Variants in SH3BP2 observed in about 807,000 individuals in gnomAD.
SH3BP2 encodes the protein SH3 domain-binding protein 2.
In SH3BP2, 38 loss-of-function variants were observed where a neutral mutation model predicts 56.2. That is an observed-to-expected ratio of 0.68 (90% CI 0.52 to 0.89). The LOEUF is 0.89. Ranked by LOEUF, SH3BP2 falls within the 40% of genes least tolerant of loss-of-function variation. SH3BP2 has a pLI of 0.00. For synonymous variants in SH3BP2, 346 were observed against 316.7 expected, an observed-to-expected ratio of 1.09 and a Z score of -0.98; for missense variants, 748 against 762.6, an observed-to-expected ratio of 0.98 and a Z score of 0.23.
intron 1 of SH3BP2, chr4:2,818,367 G>T (rs888963128): frequency 8.5e-7 from 1 of 1,177,146 alleles, no homozygotes. Context: ...CGGGGAAGCC[G>T]GCCATGCCCG....
rs772049905 is a variant in SH3BP2, at chr4:2,832,029, T to A, written c.1406+51T>A. ...GGGTCCTCCGCCATGCCCGGCTTCC[T>A]GCTTCTGTGTCCCTCTCACTAGCTT... On this transcript the variant is annotated intron_variant, in intron 10 of 12. Coordinates refer to ENST00000503393, the MANE Select transcript of SH3BP2 (RefSeq NM_001122681.2). 14 of 1,575,214 alleles carry A rather than the reference T, an allele frequency of 8.9e-6. 1 individual carries two copies. In the South Asian group the frequency reaches 1.6e-4, roughly 18 times the overall value.
chr4:2,809,639 C>T (rs149285883), intron 1 of SH3BP2: 475 of 195,328 alleles, frequency 2.4e-3, no homozygotes, highest in Middle Eastern at 7.7e-3. Context: ...AGGCAGGTGC[C>T]GTGAGGCAGG....
intron 1 of SH3BP2, among the ~76,000 whole-genome samples, chr4:2,794,871 C>T (rs949397033): frequency 7.9e-5 from 12 of 152,196 alleles, no homozygotes; most frequent in South Asian, 2.1e-4. Context: ...GGCCCACAGA[C>T]GGGAAGTCCA....
intron 1 of SH3BP2, among the ~76,000 whole-genome samples, chr4:2,798,764 C>G (rs928180070): frequency 2.6e-5 from 4 of 152,222 alleles, no homozygotes; most frequent in African/African-American, 9.6e-5. Flanking sequence ...CTTCCCGTTG[C>G]CATCACCTCT....
intron 1 of SH3BP2, among the ~76,000 whole-genome samples, chr4:2,808,749 G>T (rs1170752556): frequency 6.6e-6 from 1 of 151,346 alleles, no homozygotes; most frequent in Non-Finnish European, 1.5e-5. Context: ...GGGGGTGCCC[G>T]CCTTCCCCCA....
In SH3BP2 at chr4:2,838,696, C is replaced by G. The variant is rs2108747405; in HGVS notation, c.*4862C>G. On this transcript the variant is annotated 3_prime_UTR_variant, in exon 13 of 13. Transcript: ENST00000503393. Reference sequence around the variant, plus strand: ...AGTGGTAGTGTATTTTATGCGTGACCCGAGACAGTTCTTCCGGTATGGTCC... The same window carrying G: ...AGTGGTAGTGTATTTTATGCGTGACGCGAGACAGTTCTTCCGGTATGGTCC... 1 of 150,934 alleles carries G rather than the reference C, an allele frequency of 6.6e-6. No individual in the cohort carries two copies. Among genetic ancestry groups the G allele is most frequent in the South Asian group, 2.1e-4 (1 of 4,816 alleles). The allele number at this position is 150,934 out of a possible 1,614,324, so 9.3% of individuals were successfully genotyped here.
intron 11 of SH3BP2, among the ~76,000 whole-genome samples, 199 bp downstream of exon 11, chr4:2,832,611 G>A (rs779022478): frequency 1.3e-5 from 2 of 152,208 alleles, no homozygotes; most frequent in Admixed American, 1.3e-4. Flanking sequence ...GGCCATGATG[G>A]CCACCTCCCA....
In SH3BP2 at chr4:2,800,121, C is replaced by T. The variant is rs1849683; in HGVS notation, c.-5+6983C>T. Among the ~76,000 whole-genome samples, 340 of 151,902 alleles carry T rather than the reference C, an allele frequency of 2.2e-3. 1 individual carries two copies. The highest frequency in any genetic ancestry group is 7.9e-3 in the African/African-American group (326 of 41,408). On this transcript the variant is annotated intron_variant, in intron 1 of 12. Coordinates refer to ENST00000503393, the MANE Select transcript of SH3BP2 (RefSeq NM_001122681.2). Reference sequence around the variant, plus strand: ...GGCTGGGTGGGAGTGGAGGAGGTGACGTGACCAGGATGGGGTCGGTGACCC... The same window carrying T: ...GGCTGGGTGGGAGTGGAGGAGGTGATGTGACCAGGATGGGGTCGGTGACCC...
chr4:2,819,833 CAAG>C (rs1489739610), intron 1 of SH3BP2, among the ~76,000 whole-genome samples: 1 of 151,508 alleles, frequency 6.6e-6, no homozygotes, highest in Non-Finnish European at 1.5e-5. Flanking sequence ...TGGTGTATCT[CAAG>C]GAGAGCAGCT....
rs1724509939 is a variant in SH3BP2, at chr4:2,824,823, G to A, written c.357+93G>A. On this transcript the variant is annotated intron_variant, in intron 4 of 12. Coordinates refer to ENST00000503393, the MANE Select transcript of SH3BP2 (RefSeq NM_001122681.2). Reference sequence around the variant, plus strand: ...CTGCCTTGGGGGCTCGCTGGTCCTGGGGCGCTGGCCTCTCAGCCCCGGGCA... The same window carrying A: ...CTGCCTTGGGGGCTCGCTGGTCCTGAGGCGCTGGCCTCTCAGCCCCGGGCA... The A allele has an allele frequency of 1.2e-5, 12 of 994,084 alleles. No individual in the cohort carries two copies. The Middle Eastern group carries it at 6.6e-4, about 55-fold the overall frequency. 61.6% of individuals were successfully genotyped at this position (994,084 alleles called of 1,614,324 possible).
In SH3BP2 at chr4:2,824,624, C is replaced by A. The variant is rs755389575; in HGVS notation, c.251C>A (p.Ala84Glu). 1 of 1,613,172 alleles carries A rather than the reference C, an allele frequency of 6.2e-7. No homozygotes were observed. Among genetic ancestry groups the A allele is most frequent in the Non-Finnish European group, 8.5e-7 (1 of 1,179,744 alleles). ...CGCTGTGCCCCCAGGGTGATGCGGGCGGCTGAGGAGACCACGTCCAACAAC... is the reference window on the plus strand; with the variant it reads ...CGCTGTGCCCCCAGGGTGATGCGGGAGGCTGAGGAGACCACGTCCAACAAC... ...SLSGYNRVMRAAEETTSNNVF... is the reference protein window; with the variant it reads ...SLSGYNRVMREAEETTSNNVF... Residue 84 changes from alanine to glutamate, a missense_variant, in exon 4 of 13, where the codon GCG becomes GAG. Coordinates refer to ENST00000503393, the MANE Select transcript of SH3BP2 (RefSeq NM_001122681.2).
rs1725004008 is a variant in SH3BP2, at chr4:2,831,836, T to C, written c.1351-87T>C. The C allele has an allele frequency of 6.8e-7, 1 of 1,481,382 alleles. No individual in the cohort carries two copies. Among genetic ancestry groups the C allele is most frequent in the African/African-American group, 1.4e-5 (1 of 72,150 alleles). The allele number at this position is 1,481,382 out of a possible 1,614,324, so 91.8% of individuals were successfully genotyped here. A position where few individuals can be genotyped will look rare whatever the true frequency, so the allele number is the denominator to read the frequency against. Reference sequence around the variant, plus strand: ...ACACAGCACCATGTAAAGCCCCGGATCCCGGCACCGGGTGGCCACCGTCCG... The same window carrying C: ...ACACAGCACCATGTAAAGCCCCGGACCCCGGCACCGGGTGGCCACCGTCCG... On this transcript the variant is annotated intron_variant, in intron 9 of 12. Coordinates refer to ENST00000503393, the MANE Select transcript of SH3BP2 (RefSeq NM_001122681.2). The surrounding 1 kb of genome is among the most constrained non-coding windows in gnomAD (Gnocchi z 4.1).
intron 1 of SH3BP2, chr4:2,793,667 G>C (rs929825806): frequency 5.9e-5 from 9 of 152,098 alleles, no homozygotes; most frequent in African/African-American, 2.2e-4. Flanking sequence ...CTCGCTCTCC[G>C]CCCTTCCCGG....
chr4:2,818,837 C>A, intron 1 of SH3BP2: 1 of 986,218 alleles, frequency 1.0e-6, no homozygotes, highest in Non-Finnish European at 1.2e-6. Flanking sequence ...CAGGCCGAGG[C>A]CGGCAGAAGA....
At chr4:2,807,407 T>G (rs368412409) in intron 1 of SH3BP2, among the ~76,000 whole-genome samples, 10 of 152,204 alleles carry the variant, frequency 6.6e-5, no homozygotes, top group African/African-American at 2.4e-4. Flanking sequence ...TCTTGGGTCC[T>G]GCCATGGGCC....
At chr4:2,827,492 C>T in intron 6 of SH3BP2, 114 bp from the exon 7 acceptor site, 1 of 1,235,306 alleles carries the variant, frequency 8.1e-7, no homozygotes. Flanking sequence ...GACTCACAGT[C>T]CTCCCAGCAG....
At position 2,827,625 on chromosome 4, in the gene SH3BP2, G is replaced by A; in HGVS notation, c.537G>A (p.Glu179=). The change falls in exon 7 of 13, where the codon GAG becomes GAA. Residue 179 remains glutamate (E), a synonymous_variant. Transcript: ENST00000503393. The part of the protein sequence containing the change: ...TDNEDYEHDD[E]DDSYLEPDSP... The stretch of plus-strand genomic sequence containing the variant: ...ATGCAGACTATGAGCACGACGATGA[G>A]GATGACTCCTACCTGGAGCCTGACT... The A allele has an allele frequency of 6.3e-7, 1 of 1,599,312 alleles. No homozygotes were observed. Among genetic ancestry groups the A allele is most frequent in the Admixed American group, 1.7e-5 (1 of 58,108 alleles).
rs529543434 is a variant in SH3BP2 at position 2,830,056 on chromosome 4, C to T, written c.1150C>T (p.Arg384Trp). Residue 384 changes from arginine (R) to tryptophan (W), a missense_variant, in exon 8 of 13, where the codon CGG becomes TGG. Arg to Trp is a moderately radical substitution (Grantham distance 101, BLOSUM62 -3). Coordinates refer to ENST00000503393, the MANE Select transcript of SH3BP2 (RefSeq NM_001122681.2). The stretch of plus-strand genomic sequence containing the variant: ...ACTCTTTGTGCCCCCCGTGGCTCCC[C>T]GGCCTCCTGCGCTGAAGCTGCCAGT... ...PGLFVPPVAPRPPALKLPVPE... is the reference protein window; with the variant it reads ...PGLFVPPVAPWPPALKLPVPE... 70 of 1,611,768 alleles carry T rather than the reference C, an allele frequency of 4.3e-5. No individual in the cohort carries two copies. Among genetic ancestry groups the T allele is most frequent in the African/African-American group, 8.0e-5 (6 of 75,060 alleles).
intron 11 of SH3BP2, 24 bp downstream of exon 11, chr4:2,832,436 C>G (rs370665097): frequency 6.3e-7 from 1 of 1,591,122 alleles, no homozygotes. Context: ...GAAGATGCCC[C>G]AGGGCCCCTC....
Sources: gnomAD v4.1 joint callset for allele counts (sites outside exome capture counted in the v4.1 genomes callset) on GRCh38, gnomAD v4.1.1 for gene constraint, Gnocchi (gnomAD v3.1) non-coding constraint, MANE v1.5 for transcripts, NCBI Gene and HGNC (gene_info 2026-07-23, HGNC 2026-07-21) for gene names.